Variants in PLXND1 observed in about 807,000 individuals in gnomAD.
The protein encoded by PLXND1 is plexin-D1.
A neutral mutation model predicts 197.7 loss-of-function variants in PLXND1; 54 were observed. The observed-to-expected ratio is 0.27, with a 90% CI of 0.22 to 0.34. The LOEUF (loss-of-function observed/expected upper bound fraction) is 0.34. PLXND1 is among the 10% of genes least tolerant of loss of function. The probability of loss-of-function intolerance (pLI) is 1.00; values close to 1 mark genes in which losing one functional copy is unlikely to be tolerated. For synonymous variants in PLXND1, 1,180 were observed against 1,161.2 expected (o/e 1.02, Z -0.33); for missense variants, 2,127 against 2,699.2 (o/e 0.79, Z 4.70).
In PLXND1 at chr3:129,589,334, TC is replaced by T; in HGVS notation, c.1488+16del. ...CTCCCACCCCCACCCCCTCCCCACA[TC>T]CCCAACCATACCTACCTTGAGAAGC... On this transcript the variant is annotated intron_variant, in intron 2 of 35. Coordinates refer to ENST00000324093, the MANE Select transcript of PLXND1 (RefSeq NM_015103.3). 2.1e-6 allele frequency: 1 copy of T among 483,336 alleles called. No individual in the cohort carries two copies. Among genetic ancestry groups the T allele is most frequent in the Non-Finnish European group, 3.3e-6 (1 of 306,084 alleles). The allele number at this position is 483,336 out of a possible 1,614,324, so 29.9% of individuals were successfully genotyped here.
chr3:129,563,211 C>A lies in PLXND1; in HGVS notation c.4551G>T (p.Leu1517=). ...RETVGEPFFL[L]LCAIKQQINK... is the part of the protein sequence containing the mutation. ...TGATTTGCTGCTTGATGGCACACAG[C>A]AGCAGGAAGAATGGCTCCCCCACCG... Residue 1517 remains leucine (L), a synonymous_variant, in exon 26 of 36, where the codon CTG becomes CTT. Coordinates refer to ENST00000324093, the MANE Select transcript of PLXND1 (RefSeq NM_015103.3). The A allele has an allele frequency of 3.1e-6, 5 of 1,612,456 alleles. No homozygotes were observed. Among genetic ancestry groups the A allele is most frequent in the Non-Finnish European group, 4.2e-6 (5 of 1,179,222 alleles).
intron 20 of PLXND1, among the ~76,000 whole-genome samples, chr3:129,568,941 T>C (rs1042120023): frequency 2.0e-5 from 3 of 152,188 alleles, no homozygotes; most frequent in Non-Finnish European, 4.4e-5. Context: ...CCCATACCCA[T>C]GCAGCAGTCA....
rs577946371 is a variant in PLXND1, at chr3:129,556,208, C to T, written c.*104G>A. The T allele has an allele frequency of 2.0e-4, 164 of 824,544 alleles. 1 individual carries two copies. Among genetic ancestry groups the T allele is most frequent in the Non-Finnish European group, 3.2e-4 (154 of 485,948 alleles). 51.1% of individuals were successfully genotyped at this position (824,544 alleles called of 1,614,324 possible). On this transcript the variant is annotated 3_prime_UTR_variant, in exon 36 of 36. Coordinates refer to ENST00000324093, the MANE Select transcript of PLXND1 (RefSeq NM_015103.3). ...TGCCCCCGCCCCAGCCGTCTCTGCT[C>T]AGTATTTCCCAGTCTGAGTCACAGG...
intron 3 of PLXND1, 106 bp from the exon 4 acceptor site, chr3:129,586,378 G>A: frequency 9.5e-7 from 1 of 1,052,030 alleles, no homozygotes; most frequent in East Asian, 2.6e-5. Context: ...GGAAACTGAG[G>A]GTCAACACTC....
chr3:129,589,687 C>G (rs1331584203), intron 1 of PLXND1, among the ~76,000 whole-genome samples, 160 bp from the exon 2 acceptor site: 1 of 152,164 alleles, frequency 6.6e-6, no homozygotes, highest in Non-Finnish European at 1.5e-5. Context: ...CAAACGGGAC[C>G]CCATCCCCAA....
rs1320811011 is a variant in PLXND1, at chr3:129,589,527, G to A, written c.1312C>T (p.Leu438Phe). Residue 438 changes from leucine (L) to phenylalanine (F), a missense_variant and splice_region_variant, in exon 2 of 36, where the codon CTC becomes TTC. Physicochemically the swap from Leu to Phe is conservative, Grantham distance 22. Around this residue, in one of 6 missense-constraint regions of PLXND1, gnomAD observed 1,095 missense variants for 1,259.8 expected, o/e 0.87. Coordinates refer to ENST00000324093, the MANE Select transcript of PLXND1 (RefSeq NM_015103.3). ...CCACAGTCCAGCTGCTCTGGCTGGA[G>A]CTGGAAGAGGAACGGCACGTCAGAT... ...PACERKLNIQ[L>F]QPEQLDCGAA... 1.3e-6 allele frequency: 2 copies of A among 1,575,870 alleles called. No individual in the cohort carries two copies. The highest frequency in any genetic ancestry group is 2.0e-4 in the Middle Eastern group (1 of 4,950).
In PLXND1 at chr3:129,586,730, A is replaced by G. The variant is rs1336748251; in HGVS notation, c.1489-11T>C. ...CTCGTTCAGGTTGATCTGTGGGGGT[A>G]GTGGGCATCAGGGTGCTGGAGCCCA... On this transcript the variant is annotated splice_polypyrimidine_tract_variant and intron_variant, in intron 2 of 35. Transcript: ENST00000324093. 1 of 1,598,604 alleles carries G rather than the reference A, an allele frequency of 6.3e-7. No individual in the cohort carries two copies. Among genetic ancestry groups the G allele is most frequent in the East Asian group, 2.3e-5 (1 of 44,404 alleles).
intron 20 of PLXND1, among the ~76,000 whole-genome samples, chr3:129,568,211 T>G (rs1017165198): frequency 6.6e-6 from 1 of 152,164 alleles, no homozygotes; most frequent in Non-Finnish European, 1.5e-5. Flanking sequence ...TTCTATTCCT[T>G]CTACAATGAC....
chr3:129,563,225 G>A lies in PLXND1; in HGVS notation c.4537C>T (p.Pro1513Ser). The change falls in exon 26 of 36, where the codon CCA (proline) becomes TCA (serine). Residue 1513 changes from proline (P) to serine (S), a missense_variant. By Grantham distance (74) the Pro-to-Ser change is moderately conservative (BLOSUM62 -1). Transcript: ENST00000324093. ...YSCLRETVGE[P>S]FFLLLCAIKQ... ...ATGGCACACAGCAGCAGGAAGAATG[G>A]CTCCCCCACCGTCTCCTGAGGGGCA... 1 of 1,611,432 alleles carries A rather than the reference G, an allele frequency of 6.2e-7. No individual in the cohort carries two copies. Among genetic ancestry groups the A allele is most frequent in the East Asian group, 2.2e-5 (1 of 44,780 alleles).
chr3:129,563,653 C>T (rs1346473956), intron 25 of PLXND1, among the ~76,000 whole-genome samples: 3 of 152,142 alleles, frequency 2.0e-5, no homozygotes, highest in South Asian at 2.1e-4. Flanking sequence ...TAGGTGGACC[C>T]GAAACACCGA....
intron 1 of PLXND1, 138 bp from the exon 2 acceptor site, chr3:129,589,665 G>A (rs1169393876): frequency 4.0e-6 from 3 of 746,574 alleles, no homozygotes; most frequent in African/African-American, 3.6e-5. Flanking sequence ...GTGCTCAGCT[G>A]AGGCCCAAAC....
At position 129,605,429 on chromosome 3, in the gene PLXND1, C is replaced by A. The variant is rs1415056242; in HGVS notation, c.1211G>T (p.Arg404Leu). ...CGCCGGTTCCACGAAGCAGGCGGTG[C>A]GCGCAGCTCGGATGGCGGCTCGCAC... ...ADVRAAIRAA[R>L]TACFVEPAPD... Residue 404 changes from arginine (R) to leucine (L), a missense_variant, in exon 1 of 36, where the codon CGC (arginine) becomes CTC (leucine). Physicochemically the swap from Arg to Leu is moderately radical, Grantham distance 102 (BLOSUM62 -2). Transcript: ENST00000324093. 1 of 1,501,198 alleles carries A rather than the reference C, an allele frequency of 6.7e-7. No homozygotes were observed. Among genetic ancestry groups the A allele is most frequent in the Non-Finnish European group, 8.8e-7 (1 of 1,132,670 alleles). The allele number at this position is 1,501,198 out of a possible 1,614,324, so 93.0% of individuals were successfully genotyped here.
intron 1 of PLXND1, among the ~76,000 whole-genome samples, chr3:129,593,867 T>C (rs530534353): frequency 6.6e-6 from 1 of 152,338 alleles, no homozygotes; most frequent in Non-Finnish European, 1.5e-5. Context: ...CGGCCCCGTT[T>C]TGAGAGCAGG....
Position 129,586,465 on chromosome 3 carries a change from T to C in PLXND1, c.1620+123A>G. On this transcript the variant is annotated intron_variant, in intron 3 of 35. Transcript: ENST00000324093. ...TGGGAGGCGCAGGACAAGGTGGAGTTAGCAGATAAGGGAGATGGAGGAGGA... is the reference window on the plus strand; with the variant it reads ...TGGGAGGCGCAGGACAAGGTGGAGTCAGCAGATAAGGGAGATGGAGGAGGA... The C allele has an allele frequency of 2.4e-6, 3 of 1,245,892 alleles. No individual in the cohort carries two copies. The South Asian group carries it at 4.2e-5, about 17-fold the overall frequency. 77.2% of individuals were successfully genotyped at this position (1,245,892 alleles called of 1,614,324 possible).
chr3:129,570,586 T>G, intron 19 of PLXND1, 200 bp downstream of exon 19: 1 of 609,262 alleles, frequency 1.6e-6, no homozygotes, highest in Non-Finnish European at 2.9e-6. Context: ...GGCCCATCAC[T>G]GACCTCAAGC....
chr3:129,599,751 A>G (rs35947652), intron 1 of PLXND1, among the ~76,000 whole-genome samples: 7,350 of 152,170 alleles, frequency 0.048, 227 homozygotes, highest in South Asian at 0.1. Flanking sequence ...TGCTATCACA[A>G]TGGGCCCTGC....
rs201150982 is a variant in PLXND1 at position 129,572,752 on chromosome 3, T to C, written c.2938-4A>G. 1.4e-4 allele frequency: 217 copies of C among 1,599,636 alleles called. 1 individual carries two copies. The East Asian group carries it at 3.9e-3, about 29-fold the overall frequency. On this transcript the variant is annotated splice_region_variant and splice_polypyrimidine_tract_variant and intron_variant, in intron 14 of 35. Transcript: ENST00000324093. ...CCAGGGAGTGGACCAGGGGCAGCTG[T>C]GGGAGGAAGGCAGGCGTTTGGGCCT...
chr3:129,594,869 T>TA (rs34247242), intron 1 of PLXND1, among the ~76,000 whole-genome samples: 500 of 145,572 alleles, frequency 3.4e-3, no homozygotes, highest in African/African-American at 3.8e-3. Flanking sequence ...GTTTATTTTG[T>TA]AAAAAAAAAA....
At chr3:129,586,870 G>A in intron 2 of PLXND1, 151 bp from the exon 3 acceptor site, 1 of 867,734 alleles carries the variant, frequency 1.2e-6, no homozygotes, top group Non-Finnish European at 1.8e-6. Context: ...TGCAGGGGAG[G>A]GCACAGGGCC....
Sources: gnomAD v4.1 joint callset for allele counts (sites outside exome capture counted in the v4.1 genomes callset) on GRCh38, gnomAD v4.1.1 for gene constraint, gnomAD v4.1.1 regional missense constraint, MANE v1.5 for transcripts, NCBI Gene and HGNC (gene_info 2026-07-23, HGNC 2026-07-21) for gene names.